The following GPM6B variants were observed in gnomAD, a reference collection of about 807,000 sequenced individuals.
GPM6B encodes neuronal membrane glycoprotein M6-b.
GPM6B carries 4 observed loss-of-function variants against 27.2 expected under a neutral mutation model. That is an observed-to-expected ratio of 0.15 (90% CI 0.07 to 0.34). The LOEUF is 0.34. GPM6B is among the 10% of genes least tolerant of loss of function. GPM6B has a pLI of 1.00. For synonymous variants in GPM6B, 124 were observed against 103.1 expected, an observed-to-expected ratio of 1.20 and a Z score of -1.23; for missense variants, 183 against 261.9, an observed-to-expected ratio of 0.70 and a Z score of 2.08.
chrX:13,916,936 G>A (rs2050435951), intron 1 of GPM6B, among the ~76,000 whole-genome samples: 1 of 111,418 alleles, frequency 9.0e-6, no homozygotes, highest in Admixed American at 9.6e-5. Context: ...ATGAGGCCAG[G>A]TCCAGTGGCT....
chrX:13,860,141 G>A (rs890484739), intron 1 of GPM6B, among the ~76,000 whole-genome samples: 1 of 112,292 alleles, frequency 8.9e-6, no homozygotes, highest in Non-Finnish European at 1.9e-5. Flanking sequence ...CAGTTGGCCA[G>A]GCGGCTTTTA....
chrX:13,932,020 C>G (rs1921592363), intron 1 of GPM6B, among the ~76,000 whole-genome samples: 1 of 112,564 alleles, frequency 8.9e-6, no homozygotes, highest in Non-Finnish European at 1.9e-5. Context: ...ACAAACGATT[C>G]TCTCAGTGGG....
intron 1 of GPM6B, among the ~76,000 whole-genome samples, chrX:13,832,350 G>C (rs949494840): frequency 3.6e-5 from 4 of 112,375 alleles, no homozygotes; most frequent in Non-Finnish European, 7.5e-5. Context: ...CACGCAGTTA[G>C]ACAAAATATT....
intron 1 of GPM6B, among the ~76,000 whole-genome samples, chrX:13,913,324 ATT>A (rs35452542): frequency 4.9e-4 from 50 of 102,405 alleles, no homozygotes; most frequent in Non-Finnish European, 8.0e-4. Flanking sequence ...TAATTTTCGT[ATT>A]TTTTTTTTTG....
chrX:13,918,161 G>A (rs1001152673), intron 1 of GPM6B, among the ~76,000 whole-genome samples: 30 of 112,591 alleles, frequency 2.7e-4, no homozygotes, highest in African/African-American at 9.0e-4. Context: ...TAATTTTTCC[G>A]CCCACCAGAC....
At chrX:13,843,288 T>C (rs1363297505) in intron 1 of GPM6B, among the ~76,000 whole-genome samples, 2 of 112,372 alleles carry the variant, frequency 1.8e-5, no homozygotes, top group African/African-American at 3.2e-5. Context: ...TTTCTTTTTA[T>C]TGCTGAATCA....
chrX:13,897,120 A>T (rs1235440409), intron 1 of GPM6B, among the ~76,000 whole-genome samples: 1 of 112,208 alleles, frequency 8.9e-6, no homozygotes, highest in Non-Finnish European at 1.9e-5. Context: ...CAGACTCAAC[A>T]CAATTGGGCT....
chrX:13,809,550 C>T (rs753385551), intron 1 of GPM6B, among the ~76,000 whole-genome samples: 2 of 110,895 alleles, frequency 1.8e-5, no homozygotes, highest in Admixed American at 9.6e-5. Flanking sequence ...CCAAGGCGGG[C>T]GGATCACTTG....
In GPM6B at chrX:13,839,130, A is replaced by G. The variant is rs189959542; in HGVS notation, c.-197-53322T>C. ...AGCCTGCTACCTGGAAGCTTCATCT[A>G]TATAAGAAGAACCTTGGCTTCCACA... On this transcript the variant is annotated intron_variant, in intron 1 of 6. Transcript: ENST00000398361. Among the ~76,000 whole-genome samples the G allele has an allele frequency of 9.9e-5, 11 of 111,671 alleles. No homozygotes were observed. In the East Asian group the frequency reaches 3.1e-3, roughly 31 times the overall value.
At position 13,778,054 on chromosome X, in the gene GPM6B, G is replaced by GTT. The variant is rs34053837; in HGVS notation, c.698-631_698-630dup. On this transcript the variant is annotated intron_variant, in intron 5 of 7. Transcript: ENST00000316715. ...TTTGGACTGAAAATCAAATTGGTTTGTTTTTTTTTTTTTTTGAGACAGTCT... is the reference window on the plus strand; with the variant it reads ...TTTGGACTGAAAATCAAATTGGTTTGTTTTTTTTTTTTTTTTTGAGACAGTCT... Among the ~76,000 whole-genome samples, 891 of 93,733 alleles carry GTT rather than the reference G, an allele frequency of 9.5e-3. 11 individuals are homozygous for GTT. Among genetic ancestry groups the GTT allele is most frequent in the African/African-American group, 0.026 (673 of 25,617 alleles). The allele number at this position is 93,733 out of a possible 115,157, so 81.4% of individuals were successfully genotyped here. A position where few individuals can be genotyped will look rare whatever the true frequency, so the allele number is the denominator to read the frequency against.
rs57749932 is a variant in GPM6B, at chrX:13,811,820, C to T, written c.62-4051G>A. On this transcript the variant is annotated intron_variant, in intron 1 of 7. Coordinates refer to ENST00000316715, the MANE Select transcript of GPM6B (RefSeq NM_001001995.3). ...GGAAATTATTACATTTTCTCTTATA[C>T]ACTCTTTGACGAGAAATATCACTCA... Among the ~76,000 whole-genome samples, 709 of 111,510 alleles carry T rather than the reference C, an allele frequency of 6.4e-3. 7 individuals carry two copies. Among genetic ancestry groups the T allele is most frequent in the African/African-American group, 0.022 (670 of 30,665 alleles).
chrX:13,834,339 T>C (rs747713261), intron 1 of GPM6B, among the ~76,000 whole-genome samples: 1 of 112,770 alleles, frequency 8.9e-6, no homozygotes, highest in Non-Finnish European at 1.9e-5. Context: ...GATATACATC[T>C]TTGCCAAGCC....
At chrX:13,861,592 T>C (rs2049853653) in intron 1 of GPM6B, among the ~76,000 whole-genome samples, 1 of 112,199 alleles carries the variant, frequency 8.9e-6, no homozygotes, top group African/African-American at 3.2e-5. Context: ...GCAATCACGA[T>C]AAATATTTTG....
intron 1 of GPM6B, among the ~76,000 whole-genome samples, chrX:13,915,258 C>A (rs1378855920): frequency 4.5e-5 from 4 of 89,772 alleles, no homozygotes; most frequent in African/African-American, 8.7e-5. Flanking sequence ...CAGAGCCATA[C>A]CCCGTCTCTA....
intron 2 of GPM6B, among the ~76,000 whole-genome samples, chrX:13,806,109 A>G (rs1382329444): frequency 8.9e-6 from 1 of 111,744 alleles, no homozygotes; most frequent in Non-Finnish European, 1.9e-5. Context: ...GACCATCGCC[A>G]CAATCTAATT....
intron 1 of GPM6B, among the ~76,000 whole-genome samples, chrX:13,861,045 T>C (rs79942445): frequency 3.2e-4 from 17 of 52,752 alleles, no homozygotes; most frequent in Middle Eastern, 9.3e-3. Flanking sequence ...CACACACACA[T>C]ATATACATAT....
At chrX:13,883,917 C>T (rs2050109422) in intron 1 of GPM6B, among the ~76,000 whole-genome samples, 1 of 111,655 alleles carries the variant, frequency 9.0e-6, no homozygotes, top group South Asian at 3.8e-4. Flanking sequence ...GTAGCTCATG[C>T]CTGTAATCCC....
At chrX:13,822,552 T>G (rs1224174624) in intron 1 of GPM6B, among the ~76,000 whole-genome samples, 1 of 108,115 alleles carries the variant, frequency 9.2e-6, no homozygotes, top group Non-Finnish European at 1.9e-5. Flanking sequence ...TTTTTTTGTA[T>G]TTTTAGTAGA....
At chrX:13,909,948 T>C (rs1414738833) in intron 1 of GPM6B, among the ~76,000 whole-genome samples, 3 of 112,096 alleles carry the variant, frequency 2.7e-5, no homozygotes, top group Non-Finnish European at 5.6e-5. Flanking sequence ...TTCACTCATC[T>C]TTCCCTCCTA....
Sources: allele counts gnomAD v4.1 joint callset (sites outside exome capture counted in the v4.1 genomes callset), GRCh38; gene constraint gnomAD v4.1.1; transcripts MANE v1.5; gene names NCBI Gene and HGNC (gene_info 2026-07-23, HGNC 2026-07-21).